Variants in SAMD5 observed in about 807,000 individuals in gnomAD.
SAMD5 encodes the protein sterile alpha motif domain containing 5.
A neutral mutation model predicts 11.3 loss-of-function variants in SAMD5; 13 were observed. The observed-to-expected ratio is 1.15, with a 90% confidence interval of 0.75 to 1.83. The LOEUF is 1.83. Ranked by LOEUF, SAMD5 falls within the 40% of genes most tolerant of loss-of-function variation. SAMD5 has a pLI of 0.00. For synonymous variants in SAMD5, 129 were observed against 111.3 expected, an observed-to-expected ratio of 1.16 and a Z score of -1.00; for missense variants, 255 against 239.1, an observed-to-expected ratio of 1.07 and a Z score of -0.44.
the SAMD5 span, among the ~76,000 whole-genome samples, chr6:147,816,008 G>T: frequency 2.0e-5 from 3 of 151,904 alleles, no homozygotes; most frequent in African/African-American, 7.3e-5. Flanking sequence ...GGCTGGGCAC[G>T]GTGGCTCACG....
the SAMD5 span, among the ~76,000 whole-genome samples, chr6:147,754,753 G>A: frequency 6.6e-6 from 1 of 152,014 alleles, no homozygotes; most frequent in Non-Finnish European, 1.5e-5. Flanking sequence ...CAAGAGATAG[G>A]GGTCTAGTTT....
the SAMD5 span, among the ~76,000 whole-genome samples, chr6:147,828,229 C>A: frequency 6.6e-6 from 1 of 152,114 alleles, no homozygotes; most frequent in Non-Finnish European, 1.5e-5. Flanking sequence ...TAAAGTGGAC[C>A]ATACAAATTC....
chr6:147,594,962 A>G (rs1270896605), intron 1 of SAMD5, among the ~76,000 whole-genome samples: 1 of 152,260 alleles, frequency 6.6e-6, no homozygotes, highest in African/African-American at 2.4e-5. Context: ...ATTTTTATTC[A>G]ACTAGTACAT....
At chr6:147,914,669 A>C in the SAMD5 span, among the ~76,000 whole-genome samples, 3 of 152,176 alleles carry the variant, frequency 2.0e-5, no homozygotes, top group African/African-American at 7.2e-5. Context: ...ATATGTTTGC[A>C]TTGACTTACA....
chr6:147,742,248 G>T (rs1253038456), downstream of SAMD5, among the ~76,000 whole-genome samples: 4 of 150,686 alleles, frequency 2.7e-5, no homozygotes, highest in Admixed American at 2.6e-4. Flanking sequence ...GTGTGTGTGT[G>T]TTTGTGTGTG....
intron 1 of SAMD5, among the ~76,000 whole-genome samples, chr6:147,591,935 A>G (rs1789460907): frequency 6.6e-6 from 1 of 151,974 alleles, no homozygotes. Context: ...CTGTCTCTAG[A>G]AGTCTCCCCA....
chr6:147,515,183 T>G (rs1469753916), intron 1 of SAMD5, among the ~76,000 whole-genome samples: 1 of 53,410 alleles, frequency 1.9e-5, no homozygotes, highest in Admixed American at 1.7e-4. Flanking sequence ...CAGGTTTTTT[T>G]TTTTTTTTTT....
At chr6:147,821,434 C>T in the SAMD5 span, among the ~76,000 whole-genome samples, 19 of 152,304 alleles carry the variant, frequency 1.2e-4, no homozygotes, top group African/African-American at 3.6e-4. Context: ...TGCAGGGAAA[C>T]CTCTGAAGGC....
At chr6:147,705,488 T>C (rs1212060146) in intron 1 of SAMD5, among the ~76,000 whole-genome samples, 1 of 152,232 alleles carries the variant, frequency 6.6e-6, no homozygotes, top group Non-Finnish European at 1.5e-5. Context: ...TTATTGTTTT[T>C]TTAAGATACA....
intron 1 of SAMD5, among the ~76,000 whole-genome samples, chr6:147,718,078 G>A (rs894184870): frequency 4.5e-4 from 69 of 152,156 alleles, no homozygotes; most frequent in African/African-American, 1.4e-3. Context: ...AAAAGTATTG[G>A]CTTTGATCCT....
the SAMD5 span, among the ~76,000 whole-genome samples, chr6:147,818,310 G>C: frequency 6.6e-6 from 1 of 152,200 alleles, no homozygotes; most frequent in African/African-American, 2.4e-5. Context: ...CAAAATTTTA[G>C]TGTGCTGATC....
chr6:147,671,548 C>T (rs2128455513), intron 1 of SAMD5, among the ~76,000 whole-genome samples: 1 of 152,274 alleles, frequency 6.6e-6, no homozygotes, highest in Non-Finnish European at 1.5e-5. Flanking sequence ...CAAATTGTTC[C>T]CAGAATGGCT....
At chr6:147,538,348 C>G (rs918740523) in intron 1 of SAMD5, among the ~76,000 whole-genome samples, 4 of 152,092 alleles carry the variant, frequency 2.6e-5, no homozygotes, top group African/African-American at 9.7e-5. Context: ...TCTTTAAGAC[C>G]CTCTGAACTA....
chr6:147,798,070 A>C, the SAMD5 span, among the ~76,000 whole-genome samples: 1 of 147,192 alleles, frequency 6.8e-6, no homozygotes, highest in African/African-American at 2.6e-5. Context: ...TATTTCCTTC[A>C]GTTCTGCTCT....
chr6:147,574,500 G>A (rs770197808), downstream of SAMD5, among the ~76,000 whole-genome samples: 1 of 152,170 alleles, frequency 6.6e-6, no homozygotes. Flanking sequence ...GATTGACAAA[G>A]TTCTCAAAAA....
At chr6:147,615,031 A>G (rs1048646688) in intron 1 of SAMD5, among the ~76,000 whole-genome samples, 2 of 151,942 alleles carry the variant, frequency 1.3e-5, no homozygotes, top group African/African-American at 2.4e-5. Context: ...TTTACATACC[A>G]TTTGCATTGT....
the SAMD5 span, among the ~76,000 whole-genome samples, chr6:147,762,046 C>A: frequency 6.6e-6 from 1 of 151,914 alleles, no homozygotes; most frequent in Non-Finnish European, 1.5e-5. Context: ...ATTCCTTTTA[C>A]AGTATGAATT....
chr6:147,773,717 C>A, the SAMD5 span, among the ~76,000 whole-genome samples: 3 of 152,218 alleles, frequency 2.0e-5, no homozygotes, highest in South Asian at 6.2e-4. Context: ...CTCTCAAATG[C>A]CCCACCGCCC....
At chr6:147,600,084 A>G (rs758756285) in intron 1 of SAMD5, among the ~76,000 whole-genome samples, 11 of 152,112 alleles carry the variant, frequency 7.2e-5, no homozygotes, top group Non-Finnish European at 1.6e-4. Flanking sequence ...GGCCACTCAG[A>G]GGAAAAGTGA....
Sources: gnomAD v4.1 joint callset for allele counts (sites outside exome capture counted in the v4.1 genomes callset) on GRCh38, gnomAD v4.1.1 for gene constraint, MANE v1.5 for transcripts, NCBI Gene and HGNC (gene_info 2026-07-23, HGNC 2026-07-21) for gene names.